The following CNKSR2 variants were observed in gnomAD, a reference collection of about 807,000 sequenced individuals.
CNKSR2 encodes connector enhancer of kinase suppressor of Ras 2.
A neutral mutation model predicts 84.4 loss-of-function variants in CNKSR2; 14 were observed. The observed-to-expected ratio is 0.17, with a 90% CI of 0.11 to 0.26. The LOEUF (loss-of-function observed/expected upper bound fraction) is 0.26. CNKSR2 is among the 10% of genes least tolerant of loss of function. The pLI is 1.00. For missense variants in CNKSR2, 485 were observed against 771.2 expected (o/e 0.63, Z 4.40); for synonymous variants, 275 against 277.9 (o/e 0.99, Z 0.10).
intron 20 of CNKSR2, among the ~76,000 whole-genome samples, chrX:21,623,102 G>A (rs1180837771): frequency 9.0e-6 from 1 of 111,030 alleles, no homozygotes; most frequent in African/African-American, 3.3e-5. Context: ...ATTTCTAATA[G>A]TTTGTTTTTG....
intron 1 of CNKSR2, among the ~76,000 whole-genome samples, chrX:21,410,800 G>A (rs1006182042): frequency 9.1e-6 from 1 of 110,292 alleles, no homozygotes; most frequent in Non-Finnish European, 1.9e-5. Flanking sequence ...TTGTGTGTGT[G>A]TGTGTGTGTG....
intron 20 of CNKSR2, chrX:21,642,509 TTTTC>T (rs2092694942): frequency 8.0e-6 from 6 of 750,060 alleles, no homozygotes; most frequent in African/African-American, 7.0e-5. Flanking sequence ...TATTGCTTAT[TTTTC>T]TTCTGTAGTG....
intron 17 of CNKSR2, among the ~76,000 whole-genome samples, chrX:21,601,081 A>T (rs921110244): frequency 3.6e-5 from 4 of 112,239 alleles, no homozygotes; most frequent in Non-Finnish European, 5.6e-5. Context: ...CTATTGAAGT[A>T]GCATCTTTGG....
At chrX:21,591,421 T>C (rs919043953) in intron 15 of CNKSR2, 5 of 235,443 alleles carry the variant, frequency 2.1e-5, no homozygotes, top group East Asian at 2.1e-4. Flanking sequence ...ACAGATAAAG[T>C]GTAGTAAAAT....
chrX:21,602,607 G>T (rs1187357866), intron 18 of CNKSR2, among the ~76,000 whole-genome samples: 1 of 111,723 alleles, frequency 9.0e-6, no homozygotes. Flanking sequence ...TTTGGGCTTT[G>T]CAGGCCATAT....
At chrX:21,476,101 G>T (rs920338816) in intron 5 of CNKSR2, among the ~76,000 whole-genome samples, 2 of 110,879 alleles carry the variant, frequency 1.8e-5, no homozygotes, top group African/African-American at 6.6e-5. Flanking sequence ...TAAAGAAAAA[G>T]AATGGGTAAG....
At chrX:21,404,333 TTCTG>T (rs1391229378) in intron 1 of CNKSR2, among the ~76,000 whole-genome samples, 2 of 111,663 alleles carry the variant, frequency 1.8e-5, no homozygotes, top group Non-Finnish European at 3.8e-5. Flanking sequence ...AAATTTAATG[TTCTG>T]TCTGTCATTT....
At chrX:21,395,775 T>G (rs2090112965) in intron 1 of CNKSR2, among the ~76,000 whole-genome samples, 1 of 112,063 alleles carries the variant, frequency 8.9e-6, no homozygotes, top group African/African-American at 3.2e-5. Flanking sequence ...CATCTACTTT[T>G]ATGACCACCA....
At chrX:21,384,964 G>A (rs1376887957) in intron 1 of CNKSR2, among the ~76,000 whole-genome samples, 1 of 111,710 alleles carries the variant, frequency 9.0e-6, no homozygotes, top group Admixed American at 9.5e-5. Flanking sequence ...CAGCTCAACA[G>A]AGATTGTACA....
chrX:21,415,767 C>T (rs2090409226), intron 1 of CNKSR2, among the ~76,000 whole-genome samples: 1 of 104,970 alleles, frequency 9.5e-6, no homozygotes, highest in African/African-American at 3.5e-5. Flanking sequence ...CACATGTACC[C>T]TAGAACTTAA....
chrX:21,406,011 G>T (rs1295080124), intron 1 of CNKSR2, among the ~76,000 whole-genome samples: 1 of 110,710 alleles, frequency 9.0e-6, no homozygotes, highest in Non-Finnish European at 1.9e-5. Flanking sequence ...TACAGAGCAG[G>T]CCCAGGGTCC....
chrX:21,446,988 TC>T (rs1191151907), intron 4 of CNKSR2, among the ~76,000 whole-genome samples: 1 of 111,700 alleles, frequency 9.0e-6, no homozygotes, highest in African/African-American at 3.2e-5. Context: ...CTCTCCCATT[TC>T]ATCAGCTTGC....
intron 13 of CNKSR2, among the ~76,000 whole-genome samples, chrX:21,569,234 T>TTA (rs1189992649): frequency 5.4e-5 from 6 of 110,513 alleles, no homozygotes; most frequent in African/African-American, 2.0e-4. Flanking sequence ...TATTATTATT[T>TTA]TTGCTGGTGG....
At chrX:21,605,820 G>C (rs1448950382) in intron 18 of CNKSR2, among the ~76,000 whole-genome samples, 1 of 111,957 alleles carries the variant, frequency 8.9e-6, no homozygotes. Flanking sequence ...TATTAGTTAA[G>C]CCTTATGATA....
intron 17 of CNKSR2, among the ~76,000 whole-genome samples, chrX:21,597,121 A>G (rs2092454961): frequency 1.8e-5 from 2 of 111,875 alleles, no homozygotes; most frequent in Non-Finnish European, 3.8e-5. Context: ...AATTAATACA[A>G]TGTAATCATT....
At chrX:21,421,162 C>T in intron 1 of CNKSR2, among the ~76,000 whole-genome samples, 1 of 110,604 alleles carries the variant, frequency 9.0e-6, no homozygotes, top group Non-Finnish European at 1.9e-5. Flanking sequence ...TCTGCTCTAT[C>T]AGGACAGCAG....
At chrX:21,555,785 A>C (rs1264220412) in intron 11 of CNKSR2, among the ~76,000 whole-genome samples, 2 of 111,479 alleles carry the variant, frequency 1.8e-5, no homozygotes, top group Non-Finnish European at 3.8e-5. Context: ...TTTCTTTGAA[A>C]ATTTTTTTAA....
chrX:21,519,933 C>T (rs2091766070), intron 9 of CNKSR2, among the ~76,000 whole-genome samples: 2 of 110,715 alleles, frequency 1.8e-5, no homozygotes, highest in South Asian at 7.5e-4. Context: ...ATAAAACAAC[C>T]TTATCTATCC....
chrX:21,410,960 T>C (rs943581321), intron 1 of CNKSR2, among the ~76,000 whole-genome samples: 7 of 110,504 alleles, frequency 6.3e-5, no homozygotes, highest in South Asian at 3.8e-4. Flanking sequence ...TAGGGAAGGA[T>C]CACAGGGGAT....
Sources: allele counts gnomAD v4.1 joint callset (sites outside exome capture counted in the v4.1 genomes callset), GRCh38; gene constraint gnomAD v4.1.1; transcripts MANE v1.5; gene names NCBI Gene and HGNC (gene_info 2026-07-23, HGNC 2026-07-21).